Variants in CDH2 observed in about 807,000 individuals in gnomAD.
CDH2 encodes the protein cadherin 2, also known as cadherin-2.
A neutral mutation model predicts 92.0 loss-of-function variants in CDH2; 17 were observed. That is an observed-to-expected ratio of 0.18 (90% CI 0.13 to 0.28). The LOEUF is 0.28. Among genes scored for constraint, CDH2 ranks in the 10% least tolerant of loss-of-function variants. The probability of loss-of-function intolerance (pLI) is 1.00; values close to 1 mark genes in which losing one functional copy is unlikely to be tolerated. For missense variants in CDH2, 862 were observed against 1,133.1 expected, an observed-to-expected ratio of 0.76 and a Z score of 3.44; for synonymous variants, 419 against 415.9, an observed-to-expected ratio of 1.01 and a Z score of -0.09.
intron 7 of CDH2, among the ~76,000 whole-genome samples, chr18:27,994,499 A>G (rs2012521106): frequency 6.6e-6 from 1 of 152,264 alleles, no homozygotes; most frequent in Non-Finnish European, 1.5e-5. Flanking sequence ...GCATTTGCTG[A>G]GTAAGTTTTA....
chr18:28,176,950 G>C lies in CDH2; in HGVS notation c.60+13C>G, dbSNP rs768210545. On this transcript the variant is annotated intron_variant, in intron 1 of 15. Coordinates refer to ENST00000269141, the MANE Select transcript of CDH2 (RefSeq NM_001792.5). ...CCCCGCCCGTGGCCCGGCCCGCGGGGACCGCCGCGTACCTGAAGCAGGGCC... is the reference window on the plus strand; with the variant it reads ...CCCCGCCCGTGGCCCGGCCCGCGGGCACCGCCGCGTACCTGAAGCAGGGCC... 398 of 1,316,296 alleles carry C rather than the reference G, an allele frequency of 3.0e-4. 2 individuals carry two copies. In the South Asian group the frequency reaches 6.8e-3, roughly 22 times the overall value. The allele number at this position is 1,316,296 out of a possible 1,614,324, so 81.5% of individuals were successfully genotyped here.
intron 2 of CDH2, among the ~76,000 whole-genome samples, chr18:28,137,688 T>C (rs2015886427): frequency 6.6e-6 from 1 of 152,162 alleles, no homozygotes; most frequent in South Asian, 2.1e-4. Context: ...CCTTTATTGA[T>C]ATAAAAGTCC....
At chr18:27,941,604 A>G (rs1909141223) in intron 6 of CDH2, among the ~76,000 whole-genome samples, 1 of 152,226 alleles carries the variant, frequency 6.6e-6, no homozygotes, top group African/African-American at 2.4e-5. Context: ...TTAATGTTGC[A>G]TGATGACCTA....
At chr18:28,147,948 T>C (rs890126903) in intron 1 of CDH2, among the ~76,000 whole-genome samples, 164 bp from the exon 2 acceptor site, 3 of 152,192 alleles carry the variant, frequency 2.0e-5, no homozygotes, top group African/African-American at 7.2e-5. Context: ...AAAGGGTTAA[T>C]CATTTTGATA....
rs555742120 is a variant in CDH2 at position 28,093,402 on chromosome 18, A to G, written c.172+54271T>C. On this transcript the variant is annotated intron_variant, in intron 2 of 15. Transcript: ENST00000269141. ...TGTTTCCATGTAATAAAGGAATAAG[A>G]TGGGAGTCCTAACTTGTTTTTAAAA... 1.3e-4 allele frequency among the ~76,000 whole-genome samples: 20 copies of G among 152,260 alleles called. No homozygotes were observed. The East Asian group carries it at 3.5e-3, about 26-fold the overall frequency.
chr18:28,168,743 G>T, intron 1 of CDH2: 1 of 163,374 alleles, frequency 6.1e-6, no homozygotes, highest in Non-Finnish European at 1.3e-5. Flanking sequence ...TTTGGCTTCA[G>T]ATGCCAAAAG....
chr18:28,144,010 A>AAGGGGAGG (rs1247587773), intron 2 of CDH2, among the ~76,000 whole-genome samples: 1 of 151,950 alleles, frequency 6.6e-6, no homozygotes, highest in Non-Finnish European at 1.5e-5. Context: ...GGTGGAGGGC[A>AAGGGGAGG]AGGGGAGGGA....
At chr18:28,145,457 A>G (rs970031668) in intron 2 of CDH2, among the ~76,000 whole-genome samples, 8 of 152,144 alleles carry the variant, frequency 5.3e-5, no homozygotes, top group Non-Finnish European at 1.0e-4. Context: ...GCAAATATAC[A>G]GTACATGAAT....
chr18:27,959,801 A>C (rs921263285), intron 15 of CDH2, among the ~76,000 whole-genome samples: 1 of 152,216 alleles, frequency 6.6e-6, no homozygotes, highest in Admixed American at 6.5e-5. Context: ...TTCTAGCTGA[A>C]GATATTTGAT....
intron 15 of CDH2, among the ~76,000 whole-genome samples, chr18:27,958,404 A>G (rs987634773): frequency 1.3e-5 from 2 of 151,842 alleles, no homozygotes; most frequent in African/African-American, 4.8e-5. Flanking sequence ...TATACTTTTG[A>G]GTAGAGAAAT....
intron 15 of CDH2, among the ~76,000 whole-genome samples, chr18:27,960,019 AACACACACACAC>A (rs5823570): frequency 6.7e-5 from 10 of 149,502 alleles, no homozygotes; most frequent in Non-Finnish European, 1.2e-4. Flanking sequence ...TGTCTCTTAA[AACACACACACAC>A]ACACACACAC....
At chr18:28,004,687 T>C (rs920729856) in intron 6 of CDH2, among the ~76,000 whole-genome samples, 5 of 152,330 alleles carry the variant, frequency 3.3e-5, no homozygotes, top group Admixed American at 6.5e-5. Context: ...AAGATTTGTC[T>C]AAGACTTGTG....
intron 15 of CDH2, chr18:27,954,566 C>T (rs1042307733): frequency 7.9e-5 from 12 of 152,106 alleles, no homozygotes; most frequent in East Asian, 5.8e-4. Flanking sequence ...GATCCTGAAA[C>T]GAAGACGACA....
intron 7 of CDH2, among the ~76,000 whole-genome samples, chr18:27,999,673 TAC>T (rs2012702261): frequency 6.6e-6 from 1 of 150,842 alleles, no homozygotes; most frequent in Non-Finnish European, 1.5e-5. Context: ...TATACATATA[TAC>T]ATATATATAT....
chr18:28,070,318 T>A (rs1148374), intron 2 of CDH2, among the ~76,000 whole-genome samples: 46,755 of 152,132 alleles, frequency 0.31, 8,638 homozygotes, highest in Middle Eastern at 0.43. Context: ...AGTTATTATC[T>A]CATCTGAACC....
In CDH2 at chr18:27,990,145, G is replaced by C. The variant is rs1405234964; in HGVS notation, c.1550C>G (p.Thr517Arg). ...EEGLHAGTML[T>R]TFTAQDPDRY... Reference sequence around the variant, plus strand: ...ATCTGGGTCCTGAGCAGTGAATGTTGTCAACATGGTACCGGCATGAAGCCC... The same window carrying C: ...ATCTGGGTCCTGAGCAGTGAATGTTCTCAACATGGTACCGGCATGAAGCCC... The change falls in exon 10 of 16, where the codon ACA becomes AGA. Residue 517 changes from threonine (T) to arginine (R), a missense_variant. By Grantham distance (71) the Thr-to-Arg change is moderately conservative (BLOSUM62 -1). This residue lies in a region of CDH2 where 564 missense variants were observed against 722.2 expected (regional missense o/e 0.78). Transcript: ENST00000269141. 1 of 1,613,838 alleles carries C rather than the reference G, an allele frequency of 6.2e-7. No individual in the cohort carries two copies.
intron 2 of CDH2, among the ~76,000 whole-genome samples, chr18:28,045,105 C>T (rs1001929589): frequency 6.6e-6 from 1 of 152,190 alleles, no homozygotes; most frequent in Admixed American, 6.5e-5. Flanking sequence ...CGCTCACCAT[C>T]TACCAGTACC....
At chr18:27,998,689 G>A (rs554148345) in intron 7 of CDH2, among the ~76,000 whole-genome samples, 20 of 152,248 alleles carry the variant, frequency 1.3e-4, no homozygotes, top group African/African-American at 4.8e-4. Flanking sequence ...ATGGCTCACT[G>A]CAGCCTTGAC....
intron 1 of CDH2, among the ~76,000 whole-genome samples, chr18:28,153,384 T>G (rs535122516): frequency 3.1e-4 from 47 of 152,302 alleles, no homozygotes; most frequent in African/African-American, 1.1e-3. Flanking sequence ...CTCAATAAAT[T>G]AATAATTCCA....
Sources: gnomAD v4.1 joint callset for allele counts (sites outside exome capture counted in the v4.1 genomes callset) on GRCh38, gnomAD v4.1.1 for gene constraint, gnomAD v4.1.1 regional missense constraint, MANE v1.5 for transcripts, NCBI Gene and HGNC (gene_info 2026-07-23, HGNC 2026-07-21) for gene names.